The following OLFM3 variants were observed in gnomAD, a reference collection of about 807,000 sequenced individuals.
OLFM3 encodes the protein noelin-3.
A neutral mutation model predicts 48.6 loss-of-function variants in OLFM3; 20 were observed. That is an observed-to-expected ratio of 0.41 (90% CI 0.29 to 0.60). The LOEUF is 0.60. Ranked by LOEUF, OLFM3 falls within the 20% of genes least tolerant of loss-of-function variation. The pLI is 0.28. For synonymous variants in OLFM3, 222 were observed against 198.1 expected, an observed-to-expected ratio of 1.12 and a Z score of -1.01; for missense variants, 437 against 544.3, an observed-to-expected ratio of 0.80 and a Z score of 1.96.
chr1:101,943,692 C>T (rs1046631392), intron 1 of OLFM3, among the ~76,000 whole-genome samples: 28 of 152,064 alleles, frequency 1.8e-4, no homozygotes, highest in African/African-American at 5.3e-4. Context: ...TCAGCTTTAG[C>T]TGGAATGTTT....
At chr1:101,829,436 T>C (rs534664540) in intron 3 of OLFM3, among the ~76,000 whole-genome samples, 2 of 152,338 alleles carry the variant, frequency 1.3e-5, no homozygotes, top group South Asian at 2.1e-4. Flanking sequence ...TTTTTCTTCC[T>C]TTGTGACCGT....
At chr1:101,849,100 G>A (rs150069476) in intron 1 of OLFM3, among the ~76,000 whole-genome samples, 1 of 152,296 alleles carries the variant, frequency 6.6e-6, no homozygotes, top group Non-Finnish European at 1.5e-5. Context: ...ATGATTCGGC[G>A]ATGTTTATGA....
rs149875785 is a variant in OLFM3 at position 101,941,784 on chromosome 1, A to T, written c.69+54964T>A. Among the ~76,000 whole-genome samples, 4 of 152,308 alleles carry T rather than the reference A, an allele frequency of 2.6e-5. No individual in the cohort carries two copies. The East Asian group carries it at 7.7e-4, about 29-fold the overall frequency. On this transcript the variant is annotated intron_variant, in intron 1 of 5. Transcript: ENST00000370103. Reference sequence around the variant, plus strand: ...AAAACTGAAGCACAGCCTAGGTTCAAACAAGTGGGGCATTGATATTAGCCG... The same window carrying T: ...AAAACTGAAGCACAGCCTAGGTTCATACAAGTGGGGCATTGATATTAGCCG...
intron 4 of OLFM3, among the ~76,000 whole-genome samples, chr1:101,819,679 AT>A (rs1262555294): frequency 6.6e-6 from 1 of 151,948 alleles, no homozygotes; most frequent in Admixed American, 6.6e-5. Context: ...GGTTCTAGTC[AT>A]TAAATTAAAG....
chr1:101,812,762 A>T, intron 4 of OLFM3: 1 of 987,936 alleles, frequency 1.0e-6, no homozygotes, highest in Non-Finnish European at 1.2e-6. Flanking sequence ...TCTGGCTCTT[A>T]AACTAAACAT....
Position 101,968,013 on chromosome 1 carries a change from A to G in OLFM3, c.69+28735T>C, listed in dbSNP as rs75289723. On this transcript the variant is annotated intron_variant, in intron 1 of 5. Coordinates refer to ENST00000370103, the MANE Select transcript of OLFM3 (RefSeq NM_058170.4). ...TCTCCTTTTGGAAGTTTCAAGTTTC[A>G]GGAAGCCACCTAGCCAGTTGGTTTA... Among the ~76,000 whole-genome samples, 999 of 152,302 alleles carry G rather than the reference A, an allele frequency of 6.6e-3. 9 individuals carry two copies. Among genetic ancestry groups the G allele is most frequent in the African/African-American group, 0.022 (916 of 41,566 alleles).
At chr1:101,815,365 T>C (rs1466343371) in intron 4 of OLFM3, among the ~76,000 whole-genome samples, 2 of 150,430 alleles carry the variant, frequency 1.3e-5, no homozygotes, top group African/African-American at 4.9e-5. Context: ...GACAATGGCA[T>C]GAACCCGGGA....
At chr1:101,878,061 C>T (rs1657372954) in intron 1 of OLFM3, among the ~76,000 whole-genome samples, 1 of 151,758 alleles carries the variant, frequency 6.6e-6, no homozygotes, top group Admixed American at 6.6e-5. Flanking sequence ...TTCTCACCCG[C>T]ATGTCCTAGA....
At position 101,905,665 on chromosome 1, in the gene OLFM3, G is replaced by A. The variant is rs1328602638; in HGVS notation, c.70-68640C>T. ...TGAGATGACATCACAAGGGGAAGGC[G>A]CTTTAAACATTGTGAACACTGGCTT... On this transcript the variant is annotated intron_variant, in intron 1 of 5. Transcript: ENST00000370103. 2.0e-5 allele frequency among the ~76,000 whole-genome samples: 3 copies of A among 152,056 alleles called. No individual in the cohort carries two copies. The East Asian group carries it at 5.8e-4, about 29-fold the overall frequency.
chr1:101,812,453 A>G (rs1654113008), intron 4 of OLFM3: 1 of 985,364 alleles, frequency 1.0e-6, no homozygotes, highest in Non-Finnish European at 1.2e-6. Context: ...GCAAGAAGAC[A>G]CAATTCTGGT....
At chr1:101,814,852 C>T (rs1295258967) in intron 4 of OLFM3, among the ~76,000 whole-genome samples, 1 of 152,032 alleles carries the variant, frequency 6.6e-6, no homozygotes, top group Non-Finnish European at 1.5e-5. Context: ...TAGTTAAGTA[C>T]TTAAGAAATA....
chr1:101,990,228 GC>G (rs1173854521), intron 1 of OLFM3, among the ~76,000 whole-genome samples: 2 of 152,142 alleles, frequency 1.3e-5, no homozygotes, highest in East Asian at 1.9e-4. Flanking sequence ...TTAAATTGGA[GC>G]TTTGACCAAA....
intron 1 of OLFM3, among the ~76,000 whole-genome samples, chr1:101,935,057 G>A (rs1403287707): frequency 2.0e-5 from 3 of 151,748 alleles, no homozygotes; most frequent in African/African-American, 7.3e-5. Flanking sequence ...ACACCTAGAG[G>A]AACTAGAGAA....
At chr1:101,945,804 C>T (rs1659946802) in intron 1 of OLFM3, among the ~76,000 whole-genome samples, 1 of 151,714 alleles carries the variant, frequency 6.6e-6, no homozygotes, top group South Asian at 2.1e-4. Context: ...TGTGTTATCC[C>T]AATAAAGTTA....
intron 1 of OLFM3, among the ~76,000 whole-genome samples, chr1:101,928,622 C>T (rs1225753790): frequency 2.6e-5 from 4 of 152,074 alleles, no homozygotes; most frequent in Non-Finnish European, 5.9e-5. Context: ...AAAGTTTCTT[C>T]CTTCACAGAG....
chr1:101,809,113 G>C (rs1181114117), intron 4 of OLFM3, among the ~76,000 whole-genome samples: 1 of 151,440 alleles, frequency 6.6e-6, no homozygotes, highest in African/African-American at 2.4e-5. Context: ...CCAACATCCA[G>C]AGAGCAAGGT....
chr1:101,878,025 T>C (rs1397916137), intron 1 of OLFM3, among the ~76,000 whole-genome samples: 1 of 151,790 alleles, frequency 6.6e-6, no homozygotes, highest in African/African-American at 2.4e-5. Context: ...AGCATACTCT[T>C]GAGGCACAAT....
chr1:101,920,962 A>G (rs1249002102), intron 1 of OLFM3, among the ~76,000 whole-genome samples: 1 of 152,124 alleles, frequency 6.6e-6, no homozygotes, highest in Non-Finnish European at 1.5e-5. Flanking sequence ...TTCTACTGTT[A>G]TAAGTACAAT....
At chr1:101,819,414 A>G (rs1654494004) in intron 4 of OLFM3, among the ~76,000 whole-genome samples, 1 of 152,080 alleles carries the variant, frequency 6.6e-6, no homozygotes, top group Admixed American at 6.6e-5. Context: ...TGTATTGGGG[A>G]AAGATCACAC....
Sources: gnomAD v4.1 joint callset for allele counts (sites outside exome capture counted in the v4.1 genomes callset) on GRCh38, gnomAD v4.1.1 for gene constraint, MANE v1.5 for transcripts, NCBI Gene and HGNC (gene_info 2026-07-23, HGNC 2026-07-21) for gene names.